Variants in TAX1BP1 observed in about 807,000 individuals in gnomAD.
TAX1BP1 encodes the protein tax1-binding protein 1.
A neutral mutation model predicts 97.7 loss-of-function variants in TAX1BP1; 62 were observed. The ratio of observed to expected loss-of-function variants is 0.63; its 90% CI spans 0.52 to 0.78. The LOEUF (loss-of-function observed/expected upper bound fraction) is 0.78. Among genes scored for constraint, TAX1BP1 ranks in the 30% least tolerant of loss-of-function variants. The probability of loss-of-function intolerance (pLI) is 0.00; values close to 1 mark genes in which losing one functional copy is unlikely to be tolerated. For synonymous variants in TAX1BP1, 340 were observed against 304.2 expected (o/e 1.12, Z -1.23); for missense variants, 867 against 916.1 (o/e 0.95, Z 0.69).
chr7:27,790,669 A>G (rs990572094), intron 8 of TAX1BP1, among the ~76,000 whole-genome samples: 1 of 152,074 alleles, frequency 6.6e-6, no homozygotes. Context: ...CTATGTCTAT[A>G]CCCTTTGATA....
intron 5 of TAX1BP1, among the ~76,000 whole-genome samples, chr7:27,777,568 C>T (rs1472105507): frequency 6.6e-6 from 1 of 152,138 alleles, no homozygotes. Flanking sequence ...GGTTAATTTC[C>T]TCACACGCAT....
chr7:27,753,121 G>A (rs1429958163), intron 2 of TAX1BP1, among the ~76,000 whole-genome samples: 2 of 152,138 alleles, frequency 1.3e-5, no homozygotes, highest in African/African-American at 2.4e-5. Flanking sequence ...CCAAAATGGC[G>A]AAACCCTGTC....
chr7:27,749,447 ATTTT>A (rs1787944227), intron 2 of TAX1BP1, among the ~76,000 whole-genome samples: 1 of 152,156 alleles, frequency 6.6e-6, no homozygotes, highest in African/African-American at 2.4e-5. Flanking sequence ...AGTTTGTTTT[ATTTT>A]AGTTAAGATT....
intron 15 of TAX1BP1, 53 bp downstream of exon 15, chr7:27,817,091 T>C: frequency 1.3e-6 from 2 of 1,578,158 alleles, no homozygotes; most frequent in East Asian, 2.2e-5. Flanking sequence ...TTTTAGCTTA[T>C]GTAGAGAGTT....
chr7:27,763,556 T>C (rs1034290536), intron 3 of TAX1BP1, among the ~76,000 whole-genome samples: 2 of 152,080 alleles, frequency 1.3e-5, no homozygotes, highest in Non-Finnish European at 2.9e-5. Context: ...TACCTGAGGA[T>C]AGGAATTCAA....
chr7:27,828,575 T>C, intron 16 of TAX1BP1, 53 bp from the exon 17 acceptor site: 4 of 1,556,414 alleles, frequency 2.6e-6, no homozygotes, highest in Non-Finnish European at 3.5e-6. Context: ...TATGGACAAG[T>C]TGTTGTTCTA....
intron 15 of TAX1BP1, among the ~76,000 whole-genome samples, chr7:27,826,270 G>A (rs148732654): frequency 6.6e-6 from 1 of 152,124 alleles, no homozygotes; most frequent in East Asian, 1.9e-4. Flanking sequence ...TATCTGTCCC[G>A]TTTTCCTTTT....
At chr7:27,769,958 G>A (rs1788784100) in intron 5 of TAX1BP1, 124 bp downstream of exon 5, 4 of 853,198 alleles carry the variant, frequency 4.7e-6, no homozygotes, top group Non-Finnish European at 1.8e-6. Context: ...CTTTTAGATA[G>A]ACGTTTATAC....
intron 5 of TAX1BP1, among the ~76,000 whole-genome samples, chr7:27,776,399 A>G (rs539541508): frequency 6.6e-5 from 10 of 152,206 alleles, no homozygotes; most frequent in African/African-American, 2.4e-4. Flanking sequence ...CTTTAGTTTT[A>G]AAAGAGATTT....
rs1789726600 is a variant in TAX1BP1 at position 27,791,988 on chromosome 7, T to C, written c.1039-18T>C. The C allele has an allele frequency of 6.2e-7, 1 of 1,609,500 alleles. No homozygotes were observed. Among genetic ancestry groups the C allele is most frequent in the Admixed American group, 1.7e-5 (1 of 59,754 alleles). On this transcript the variant is annotated intron_variant, in intron 8 of 16. Coordinates refer to ENST00000396319, the MANE Select transcript of TAX1BP1 (RefSeq NM_006024.7). ...CTTGAGTGGTTGAATTACAAATATA[T>C]TTATCTGCTTTCTTCAGGAAGATAC...
At chr7:27,806,591 T>A (rs1790350727) in intron 13 of TAX1BP1, among the ~76,000 whole-genome samples, 1 of 152,192 alleles carries the variant, frequency 6.6e-6, no homozygotes, top group African/African-American at 2.4e-5. Context: ...TTTCTGTACT[T>A]TGAGTACTGT....
At chr7:27,768,305 A>T (rs923696806) in intron 4 of TAX1BP1, among the ~76,000 whole-genome samples, 3 of 151,974 alleles carry the variant, frequency 2.0e-5, no homozygotes, top group Admixed American at 2.0e-4. Flanking sequence ...TAGGTGATGG[A>T]TGTTTGGATG....
At chr7:27,812,543 C>G (rs1169619064) in intron 13 of TAX1BP1, among the ~76,000 whole-genome samples, 2 of 152,068 alleles carry the variant, frequency 1.3e-5, no homozygotes, top group Non-Finnish European at 2.9e-5. Flanking sequence ...TTTGTCCTAT[C>G]TTAAATTTTT....
In TAX1BP1 at chr7:27,744,267, A is replaced by G. The variant is rs554390210; in HGVS notation, c.-8+3998A>G. 4.3e-4 allele frequency among the ~76,000 whole-genome samples: 65 copies of G among 152,302 alleles called. 1 individual carries two copies. In the South Asian group the frequency reaches 0.013, roughly 31 times the overall value. On this transcript the variant is annotated intron_variant, in intron 1 of 16. Coordinates refer to ENST00000396319, the MANE Select transcript of TAX1BP1 (RefSeq NM_006024.7). Reference sequence around the variant, plus strand: ...CAGCCTCCCGAGTAGCTGGGACTACAGGCGCCTGCCACCTCGCCCGGCTAA... The same window carrying G: ...CAGCCTCCCGAGTAGCTGGGACTACGGGCGCCTGCCACCTCGCCCGGCTAA...
At chr7:27,819,226 C>T (rs531450802) in intron 15 of TAX1BP1, among the ~76,000 whole-genome samples, 49 of 151,036 alleles carry the variant, frequency 3.2e-4, no homozygotes, top group African/African-American at 9.7e-4. Context: ...ACTTGCTGAC[C>T]GTTAAGTATT....
intron 1 of TAX1BP1, among the ~76,000 whole-genome samples, chr7:27,744,671 A>G (rs1412338637): frequency 6.6e-6 from 1 of 152,316 alleles, no homozygotes; most frequent in Non-Finnish European, 1.5e-5. Flanking sequence ...TAAAACAAGT[A>G]TTGGGAACCA....
chr7:27,825,240 T>G (rs1791133817), intron 15 of TAX1BP1, among the ~76,000 whole-genome samples: 1 of 152,016 alleles, frequency 6.6e-6, no homozygotes, highest in Admixed American at 6.6e-5. Flanking sequence ...AGTAGCTTTT[T>G]TTTTTTTTTA....
intron 2 of TAX1BP1, among the ~76,000 whole-genome samples, chr7:27,757,240 A>G (rs565738077): frequency 1.5e-4 from 23 of 152,248 alleles, no homozygotes; most frequent in Admixed American, 5.2e-4. Flanking sequence ...AATTTTCAAT[A>G]TTTAACATGG....
At chr7:27,777,494 G>C (rs1253464945) in intron 5 of TAX1BP1, among the ~76,000 whole-genome samples, 1 of 152,074 alleles carries the variant, frequency 6.6e-6, no homozygotes, top group African/African-American at 2.4e-5. Context: ...ACTATTCCTG[G>C]CCCTTTTTGA....
Sources: gnomAD v4.1 joint callset for allele counts (sites outside exome capture counted in the v4.1 genomes callset) on GRCh38, gnomAD v4.1.1 for gene constraint, MANE v1.5 for transcripts, NCBI Gene and HGNC (gene_info 2026-07-23, HGNC 2026-07-21) for gene names.